The following MROH2B variants were observed in gnomAD, a reference collection of about 807,000 sequenced individuals.
MROH2B encodes the protein maestro heat-like repeat-containing protein family member 2B.
In MROH2B, 177 loss-of-function variants were observed where a neutral mutation model predicts 208.6. That is an observed-to-expected ratio of 0.85 (90% CI 0.75 to 0.96). The LOEUF (loss-of-function observed/expected upper bound fraction) is 0.96. MROH2B is among the 40% of genes least tolerant of loss of function. The pLI is 0.00. For missense variants in MROH2B, 2,002 were observed against 1,878.7 expected, an observed-to-expected ratio of 1.07 and a Z score of -1.21; for synonymous variants, 728 against 659.0, an observed-to-expected ratio of 1.10 and a Z score of -1.60.
At chr5:40,999,814 G>C in intron 39 of MROH2B, 35 bp from the exon 40 acceptor site, 1 of 1,589,330 alleles carries the variant, frequency 6.3e-7, no homozygotes, top group East Asian at 2.2e-5. Context: ...AGGGCAACTG[G>C]AAAGTGAACC....
At chr5:41,052,670 G>A in intron 11 of MROH2B, 83 bp from the exon 12 acceptor site, 2 of 1,292,634 alleles carry the variant, frequency 1.5e-6, no homozygotes, top group Non-Finnish European at 2.1e-6. Context: ...ATAATCTTAA[G>A]GATAATTAAG....
At chr5:41,020,171 T>A (rs1321014669) in intron 24 of MROH2B, among the ~76,000 whole-genome samples, 2 of 152,096 alleles carry the variant, frequency 1.3e-5, no homozygotes, top group Admixed American at 6.6e-5. Flanking sequence ...TATCCAATTT[T>A]AAAATAATGA....
At chr5:41,009,537 C>G (rs1174365055) in intron 31 of MROH2B, 131 bp from the exon 32 acceptor site, 2 of 1,176,378 alleles carry the variant, frequency 1.7e-6, no homozygotes, top group Non-Finnish European at 2.4e-6. Flanking sequence ...TGCTGCCATG[C>G]CTGGGGATAA....
intron 34 of MROH2B, among the ~76,000 whole-genome samples, chr5:41,007,097 T>C (rs1741618805): frequency 6.6e-6 from 1 of 152,234 alleles, no homozygotes; most frequent in African/African-American, 2.4e-5. Flanking sequence ...TCTAAAGATG[T>C]TCACCTGAAT....
chr5:41,007,180 C>T (rs1490059314), intron 34 of MROH2B, 134 bp downstream of exon 34: 20 of 822,686 alleles, frequency 2.4e-5, no homozygotes, highest in Non-Finnish European at 3.3e-5. Flanking sequence ...TCTTTCTTTC[C>T]TGTTTGTCCT....
At chr5:41,047,908 T>A (rs1336084653) in intron 16 of MROH2B, 144 bp from the exon 17 acceptor site, 8 of 704,436 alleles carry the variant, frequency 1.1e-5, no homozygotes, top group Non-Finnish European at 1.9e-5. Flanking sequence ...TCAAATTTAC[T>A]ACACTGGCAA....
chr5:41,051,754 C>T (rs1405771837), intron 12 of MROH2B, among the ~76,000 whole-genome samples: 1 of 152,170 alleles, frequency 6.6e-6, no homozygotes, highest in East Asian at 1.9e-4. Flanking sequence ...CAATCTTGGA[C>T]TTCCCCGCAT....
rs1180603700 is a variant in MROH2B at position 41,007,376 on chromosome 5, GT to G, written c.3686del (p.Asp1229AlafsTer15). 3.9e-6 allele frequency: 6 copies of G among 1,550,664 alleles called. No individual in the cohort carries two copies. Among genetic ancestry groups the G allele is most frequent in the Non-Finnish European group, 5.2e-6 (6 of 1,146,074 alleles). ...GACTGCTGAGTAGAGTCCATAAGTT[GT>G]CCCCCTCATCAGATTCCTTTGCAAG... is the stretch of plus-strand genomic sequence containing the variant. ...EGLAKESDEGDNLWTLLSSPS... is the reference protein window; with the variant it reads ...EGLAKESDEGXNLWTLLSSPS... On this transcript the variant is annotated frameshift_variant, in exon 34 of 42. Transcript: ENST00000399564. LOFTEE classifies it high-confidence loss of function.
chr5:41,061,592 G>A lies in MROH2B; in HGVS notation c.593C>T (p.Ala198Val), dbSNP rs772188557. 1.2e-6 allele frequency: 2 copies of A among 1,613,204 alleles called. No individual in the cohort carries two copies. Among genetic ancestry groups the A allele is most frequent in the Non-Finnish European group, 8.5e-7 (1 of 1,179,552 alleles). Residue 198 changes from alanine (A) to valine (V), a missense_variant, in exon 6 of 42, where the codon GCC (alanine) becomes GTC (valine). By Grantham distance (64) the Ala-to-Val change is moderately conservative. Coordinates refer to ENST00000399564, the MANE Select transcript of MROH2B (RefSeq NM_173489.5). ...CACCTGCATGGGTGAGGCCAAAGGG[G>A]CCCACTTCTCCATTATATACCAGAA... ...MLFWYIMEKW[A>V]PLASPMQTLS...
chr5:41,030,480 A>C (rs1192825329), intron 24 of MROH2B, among the ~76,000 whole-genome samples: 1 of 152,086 alleles, frequency 6.6e-6, no homozygotes. Flanking sequence ...AGATGACACA[A>C]ACAAATGGAA....
rs145137851 is a variant in MROH2B at position 41,022,347 on chromosome 5, A to C, written c.2442-3329T>G. 1.4e-4 allele frequency among the ~76,000 whole-genome samples: 22 copies of C among 152,290 alleles called. 1 individual carries two copies. Among genetic ancestry groups the C allele is most frequent in the African/African-American group, 4.8e-4 (20 of 41,570 alleles). Reference sequence around the variant, plus strand: ...GCACCTGGAAAATTGGGTCACTCCTACCCTCATACTGTGCTTTTCGCATGG... The same window carrying C: ...GCACCTGGAAAATTGGGTCACTCCTCCCCTCATACTGTGCTTTTCGCATGG... On this transcript the variant is annotated intron_variant, in intron 24 of 41. Coordinates refer to ENST00000399564, the MANE Select transcript of MROH2B (RefSeq NM_173489.5).
chr5:41,063,549 T>C (rs974540944), intron 5 of MROH2B, among the ~76,000 whole-genome samples: 5 of 152,136 alleles, frequency 3.3e-5, no homozygotes, highest in Non-Finnish European at 7.3e-5. Flanking sequence ...GATAAAAATA[T>C]TACTTTGATG....
intron 38 of MROH2B, 133 bp downstream of exon 38, chr5:41,000,545 G>A: frequency 7.5e-7 from 1 of 1,338,826 alleles, no homozygotes; most frequent in Non-Finnish European, 1.0e-6. Context: ...ACCTAGAATT[G>A]GAGAAGAGGT....
At chr5:41,040,120 T>G (rs1226924460) in intron 19 of MROH2B, among the ~76,000 whole-genome samples, 1 of 152,216 alleles carries the variant, frequency 6.6e-6, no homozygotes, top group African/African-American at 2.4e-5. Context: ...GATTTTGGAC[T>G]TGTAATCTAT....
Position 41,018,771 on chromosome 5 carries a change from A to G in MROH2B, c.2593T>C (p.Ser865Pro). Residue 865 changes from serine to proline, a missense_variant, in exon 26 of 42, where the codon TCC becomes CCC. Ser to Pro is a moderately conservative substitution (Grantham distance 74). Transcript: ENST00000399564. ...AGAAGTTTTCCTAGGGCGTCCATGG[A>G]TCGTTCATAGAGAAACTGAAATCAA... is the stretch of plus-strand genomic sequence containing the variant. ...KEHIQFLYER[S>P]MDALGKLLKT... 3 of 1,613,884 alleles carry G rather than the reference A, an allele frequency of 1.9e-6. No homozygotes were observed. The Admixed American group carries it at 5.0e-5, about 27-fold the overall frequency.
At chr5:41,038,600 T>C in intron 21 of MROH2B, 136 bp downstream of exon 21, 1 of 729,286 alleles carries the variant, frequency 1.4e-6, no homozygotes, top group East Asian at 2.9e-5. Context: ...AGACATTTAC[T>C]GTATTAGTCT....
In MROH2B at chr5:41,007,369, A is replaced by G. The variant is rs1482235316; in HGVS notation, c.3694T>C (p.Trp1232Arg). Reference protein sequence around the residue: ...AKESDEGDNLWTLLSSPSTHH... With the variant: ...AKESDEGDNLRTLLSSPSTHH... ...GTACTAGGACTGCTGAGTAGAGTCC[A>G]TAAGTTGTCCCCCTCATCAGATTCC... The change falls in exon 34 of 42, where the codon TGG (tryptophan) becomes CGG (arginine). Residue 1232 changes from tryptophan (W) to arginine (R), a missense_variant. Transcript: ENST00000399564. 1.3e-6 allele frequency: 2 copies of G among 1,548,756 alleles called. No homozygotes were observed. The highest frequency in any genetic ancestry group is 1.7e-6 in the Non-Finnish European group (2 of 1,145,166).
chr5:41,020,087 A>C (rs1217749163), intron 24 of MROH2B, among the ~76,000 whole-genome samples: 1 of 152,200 alleles, frequency 6.6e-6, no homozygotes, highest in Non-Finnish European at 1.5e-5. Context: ...GCTCGTGAAC[A>C]TGAGTTGTGG....
intron 18 of MROH2B, 90 bp from the exon 19 acceptor site, chr5:41,042,298 G>A: frequency 2.6e-6 from 2 of 758,168 alleles, no homozygotes; most frequent in Non-Finnish European, 4.4e-6. Flanking sequence ...ATCATCTGAA[G>A]GAAAGAAATT....
Sources: allele counts gnomAD v4.1 joint callset (sites outside exome capture counted in the v4.1 genomes callset), GRCh38; gene constraint gnomAD v4.1.1; transcripts MANE v1.5; gene names NCBI Gene and HGNC (gene_info 2026-07-23, HGNC 2026-07-21).